Variants in SLC22A24 observed in about 807,000 individuals in gnomAD.
SLC22A24 encodes solute carrier family 22 member 24.
SLC22A24 carries 53 observed loss-of-function variants against 49.8 expected under a neutral mutation model. The observed-to-expected ratio is 1.06, with a 90% CI of 0.85 to 1.34. The LOEUF (loss-of-function observed/expected upper bound fraction) is 1.34. SLC22A24 is among the 40% of genes most tolerant of loss of function. SLC22A24 has a pLI of 0.00. For synonymous variants in SLC22A24, 302 were observed against 256.4 expected (o/e 1.18, Z -1.70); for missense variants, 786 against 675.9 (o/e 1.16, Z -1.81).
At chr11:63,089,803 C>T (rs537717519) in intron 6 of SLC22A24, among the ~76,000 whole-genome samples, 92 of 152,078 alleles carry the variant, frequency 6.0e-4, no homozygotes, top group African/African-American at 1.8e-3. Context: ...AGAACAAGGC[C>T]GGCCGCGGTG....
chr11:63,134,838 A>G (rs1399674831), intron 1 of SLC22A24, 70 bp from the exon 2 acceptor site: 5 of 1,040,128 alleles, frequency 4.8e-6, no homozygotes, highest in Non-Finnish European at 7.3e-6. Context: ...AACTGACTCC[A>G]AACTCCTACA....
chr11:63,114,361 A>G (rs1449357044), intron 4 of SLC22A24, among the ~76,000 whole-genome samples: 1 of 152,128 alleles, frequency 6.6e-6, no homozygotes, highest in Non-Finnish European at 1.5e-5. Flanking sequence ...TGACTCGGCT[A>G]TTGAAACTTG....
chr11:63,120,638 C>G lies in SLC22A24; in HGVS notation c.507-1303G>C, dbSNP rs115068482. Among the ~76,000 whole-genome samples the G allele has an allele frequency of 6.3e-3, 957 of 152,012 alleles. 10 individuals are homozygous for G. Among genetic ancestry groups the G allele is most frequent in the African/African-American group, 0.022 (921 of 41,460 alleles). On this transcript the variant is annotated intron_variant, in intron 2 of 9. Transcript: ENST00000612278. The stretch of plus-strand genomic sequence containing the variant: ...CACAGACTGGCAGGAAGGGCAGGCA[C>G]CCTTTCTAGAGTTAACTTTGACCAA...
In SLC22A24 at chr11:63,083,415, C is replaced by G. The variant is rs2086970987; in HGVS notation, c.1113G>C (p.Leu371Phe). 1 of 1,551,192 alleles carries G rather than the reference C, an allele frequency of 6.4e-7. No individual in the cohort carries two copies. Among genetic ancestry groups the G allele is most frequent in the Non-Finnish European group, 8.7e-7 (1 of 1,146,836 alleles). Residue 371 changes from leucine to phenylalanine, a missense_variant, in exon 7 of 10, where the codon TTG becomes TTC. Transcript: ENST00000612278. Reference protein sequence around the residue: ...TVPFYGLILNLQHLGSNVSLF... With the variant: ...TVPFYGLILNFQHLGSNVSLF... ...GGGAGACATTGCTCCCTAAGTGCTG[C>G]AAGTTGAGTATCAGGCCATAAAAGG...
At chr11:63,088,233 G>A (rs1289551052) in intron 6 of SLC22A24, among the ~76,000 whole-genome samples, 1 of 152,162 alleles carries the variant, frequency 6.6e-6, no homozygotes, top group African/African-American at 2.4e-5. Context: ...GAAGAAGCAG[G>A]CAGCAATCTT....
chr11:63,100,571 G>C (rs1028520956), intron 5 of SLC22A24, among the ~76,000 whole-genome samples: 2 of 152,028 alleles, frequency 1.3e-5, no homozygotes, highest in African/African-American at 4.8e-5. Flanking sequence ...TAATGTTTTA[G>C]TGGAACCACA....
Position 63,118,995 on chromosome 11 carries a change from T to A in SLC22A24, c.747A>T (p.Gly249=). ...AGTCCTGAATGGCAAAAGCCAGCCC[T>A]CCTAGGAGCATCTGCCCAACACTGT... ...CSYSVGQMLL[G]GLAFAIQDWH... is the part of the protein sequence containing the mutation. The change falls in exon 4 of 10, where the codon GGA becomes GGT. Residue 249 remains glycine, a synonymous_variant. Transcript: ENST00000612278. 6.4e-7 allele frequency: 1 copy of A among 1,551,728 alleles called. No individual in the cohort carries two copies. Among genetic ancestry groups the A allele is most frequent in the South Asian group, 1.2e-5 (1 of 84,056 alleles).
chr11:63,102,335 G>C (rs943290292), intron 5 of SLC22A24, among the ~76,000 whole-genome samples: 4 of 152,038 alleles, frequency 2.6e-5, no homozygotes, highest in Admixed American at 2.6e-4. Context: ...AAAAGAGTCA[G>C]TGTATTATTC....
chr11:63,117,566 C>A (rs1264864726), intron 4 of SLC22A24, among the ~76,000 whole-genome samples: 2 of 152,150 alleles, frequency 1.3e-5, no homozygotes, highest in Non-Finnish European at 2.9e-5. Context: ...GATGGCAAGA[C>A]CAACTCCTCC....
At chr11:63,089,670 A>T (rs921250641) in intron 6 of SLC22A24, among the ~76,000 whole-genome samples, 1 of 152,226 alleles carries the variant, frequency 6.6e-6, no homozygotes, top group Non-Finnish European at 1.5e-5. Context: ...AAAGATACAC[A>T]TAGGCTCAAA....
At chr11:63,096,153 G>A in intron 5 of SLC22A24, 47 bp from the exon 6 acceptor site, 3 of 1,236,720 alleles carry the variant, frequency 2.4e-6, no homozygotes, top group Non-Finnish European at 3.5e-6. Context: ...TGTCAATAAT[G>A]TGTCAGGCAT....
intron 1 of SLC22A24, 52 bp downstream of exon 1, chr11:63,143,326 A>G: frequency 7.3e-7 from 1 of 1,378,724 alleles, no homozygotes; most frequent in Non-Finnish European, 9.4e-7. Context: ...TTTTTGTGTT[A>G]ACTCCAAACA....
chr11:63,104,096 C>T lies in SLC22A24; in HGVS notation c.954+79G>A, dbSNP rs189186819. ...CACTCACAGAAGTCTAATTCTGTCA[C>T]TCCAGGAACCTAGACTAGTATGATT... On this transcript the variant is annotated intron_variant, in intron 5 of 9. Transcript: ENST00000612278. 3.1e-5 allele frequency: 46 copies of T among 1,463,408 alleles called. 1 individual carries two copies. In the African/African-American group the frequency reaches 6.0e-4, roughly 19 times the overall value. 90.7% of individuals were successfully genotyped at this position (1,463,408 alleles called of 1,614,324 possible).
intron 4 of SLC22A24, among the ~76,000 whole-genome samples, chr11:63,114,315 G>T (rs1412285059): frequency 1.3e-5 from 2 of 151,822 alleles, no homozygotes; most frequent in Non-Finnish European, 2.9e-5. Context: ...TCATTAATTT[G>T]ATCTTCAATC....
At chr11:63,083,185 G>A in intron 7 of SLC22A24, 58 bp downstream of exon 7, 1 of 1,388,328 alleles carries the variant, frequency 7.2e-7, no homozygotes, top group Non-Finnish European at 1.0e-6. Flanking sequence ...AAAGACCAAT[G>A]TAATCCCTGG....
intron 4 of SLC22A24, among the ~76,000 whole-genome samples, chr11:63,117,758 A>T (rs2087221853): frequency 2.0e-5 from 3 of 152,196 alleles, no homozygotes; most frequent in Admixed American, 1.3e-4. Flanking sequence ...CATATAACAC[A>T]CAGAATATGT....
chr11:63,096,063 A>T lies in SLC22A24; in HGVS notation c.998T>A (p.Ile333Asn). 6.4e-7 allele frequency: 1 copy of T among 1,550,936 alleles called. No homozygotes were observed. Among genetic ancestry groups the T allele is most frequent in the Non-Finnish European group, 8.7e-7 (1 of 1,146,434 alleles). ...TMKKELDAVR[I>N]KTSIFSLFRA... ...GAACAGGGAAAAAATGGATGTTTTA[A>T]TTCGGACTGCATCCAACTCCTTCTT... Residue 333 changes from isoleucine to asparagine, a missense_variant, in exon 6 of 10, where the codon ATT (isoleucine) becomes AAT (asparagine). Coordinates refer to ENST00000612278, the MANE Select transcript of SLC22A24 (RefSeq NM_001136506.2).
chr11:63,099,360 T>C (rs2087076070), intron 5 of SLC22A24, among the ~76,000 whole-genome samples: 1 of 133,196 alleles, frequency 7.5e-6, no homozygotes, highest in African/African-American at 2.7e-5. Flanking sequence ...CACACCTGGC[T>C]AATTTTTAAG....
chr11:63,112,575 T>C (rs921584599), intron 4 of SLC22A24, among the ~76,000 whole-genome samples: 8 of 152,138 alleles, frequency 5.3e-5, no homozygotes, highest in African/African-American at 1.9e-4. Flanking sequence ...GCTTCTGGAT[T>C]CTTTGATTTT....
Sources: gnomAD v4.1 joint callset for allele counts (sites outside exome capture counted in the v4.1 genomes callset) on GRCh38, gnomAD v4.1.1 for gene constraint, MANE v1.5 for transcripts, NCBI Gene and HGNC (gene_info 2026-07-23, HGNC 2026-07-21) for gene names.